Variants in TNNI3K observed in about 807,000 individuals in gnomAD.
TNNI3K encodes the protein serine/threonine-protein kinase TNNI3K.
TNNI3K carries 140 observed loss-of-function variants against 114.5 expected under a neutral mutation model. The ratio of observed to expected loss-of-function variants is 1.22; its 90% CI spans 1.07 to 1.41. The LOEUF is 1.41. Among genes scored for constraint, TNNI3K ranks in the 40% most tolerant of loss-of-function variants. The pLI, the probability that TNNI3K is intolerant of heterozygous loss-of-function variation, is 0.00. For missense variants in TNNI3K, 1,125 were observed against 1,007.6 expected (o/e 1.12, Z -1.58); for synonymous variants, 347 against 347.5 (o/e 1.00, Z 0.02).
chr1:74,331,543 G>T lies in TNNI3K; in HGVS notation c.538G>T (p.Glu180Ter), dbSNP rs746684996. The change falls in exon 6 of 25, where the codon GAA becomes TAA. Residue 180 changes from glutamate to a stop codon, truncating the protein, a stop_gained. Transcript: ENST00000326637. LOFTEE classifies it high-confidence loss of function. ...GCATATTGCAGCGTACTATGGACATGAACAGGTAAGTCTGACAGTAGGATT... is the reference window on the plus strand; with the variant it reads ...GCATATTGCAGCGTACTATGGACATTAACAGGTAAGTCTGACAGTAGGATT... ...PLHIAAYYGH[E>*]QVTRLLLKFG... 4.3e-6 allele frequency: 7 copies of T among 1,610,110 alleles called. No homozygotes were observed. The South Asian group carries it at 7.7e-5, about 18-fold the overall frequency.
At chr1:74,395,897 A>G (rs1664051293) in intron 17 of TNNI3K, among the ~76,000 whole-genome samples, 2 of 152,236 alleles carry the variant, frequency 1.3e-5, no homozygotes, top group Admixed American at 1.3e-4. Flanking sequence ...ATCTGGCCCA[A>G]AGAGCCCATT....
intron 20 of TNNI3K, among the ~76,000 whole-genome samples, chr1:74,448,309 A>G (rs1007530156): frequency 1.4e-5 from 2 of 143,728 alleles, no homozygotes; most frequent in Non-Finnish European, 3.0e-5. Flanking sequence ...TTGTACATTG[A>G]TTTTGTATCC....
intron 4 of TNNI3K, among the ~76,000 whole-genome samples, chr1:74,257,432 A>G (rs1381201223): frequency 2.6e-5 from 4 of 152,104 alleles, no homozygotes; most frequent in Non-Finnish European, 4.4e-5. Context: ...GTTTCTTCAT[A>G]TATCAATTAA....
At chr1:74,259,416 C>T (rs1047788900) in intron 4 of TNNI3K, among the ~76,000 whole-genome samples, 5 of 152,176 alleles carry the variant, frequency 3.3e-5, no homozygotes, top group Non-Finnish European at 7.3e-5. Flanking sequence ...CCTTTTAGTT[C>T]TATTCAGGCC....
chr1:74,529,974 C>G (rs1484838696), intron 23 of TNNI3K, among the ~76,000 whole-genome samples: 1 of 151,876 alleles, frequency 6.6e-6, no homozygotes, highest in South Asian at 2.1e-4. Context: ...GGGTTTTTTT[C>G]CTTGTTTTGA....
In TNNI3K at chr1:74,271,767, T is replaced by C. The variant is rs938294825; in HGVS notation, c.444+59T>C. 2.8e-6 allele frequency: 4 copies of C among 1,418,766 alleles called. No individual in the cohort carries two copies. The African/African-American group carries it at 5.7e-5, about 20-fold the overall frequency. The allele number at this position is 1,418,766 out of a possible 1,614,324, so 87.9% of individuals were successfully genotyped here. On this transcript the variant is annotated intron_variant, in intron 5 of 24. Transcript: ENST00000326637. ...GGTTATTTACCTTTTCGGTTGTTGTTCTTAACTGTTTTGAAATACTGTCTT... is the reference window on the plus strand; with the variant it reads ...GGTTATTTACCTTTTCGGTTGTTGTCCTTAACTGTTTTGAAATACTGTCTT...
At chr1:74,341,534 T>G (rs2100441036) in intron 7 of TNNI3K, 1 of 151,940 alleles carries the variant, frequency 6.6e-6, no homozygotes, top group African/African-American at 2.4e-5. Flanking sequence ...AGAGAGTGTA[T>G]CTGTCAAGTT....
At chr1:74,342,762 T>A (rs1660810220) in intron 7 of TNNI3K, 80 bp from the exon 8 acceptor site, 1 of 1,520,218 alleles carries the variant, frequency 6.6e-7, no homozygotes, top group African/African-American at 1.4e-5. Context: ...CACTTAGAAA[T>A]GTCCATGATA....
chr1:74,272,175 T>TA (rs1288417919), intron 5 of TNNI3K, among the ~76,000 whole-genome samples: 1 of 151,938 alleles, frequency 6.6e-6, no homozygotes, highest in East Asian at 1.9e-4. Flanking sequence ...GAATGAATAT[T>TA]TATTCATCAC....
chr1:74,466,261 TACCATCAAATA>T lies in TNNI3K; in HGVS notation c.2121+2714_2121+2724del, dbSNP rs939860100. 9.3e-4 allele frequency among the ~76,000 whole-genome samples: 141 copies of T among 152,304 alleles called. 1 individual carries two copies. Among genetic ancestry groups the T allele is most frequent in the African/African-American group, 3.2e-3 (135 of 41,568 alleles). Reference sequence around the variant, plus strand: ...ATTCTGGACACACTATGACAAAGTTTACCATCAAATAACAATCAAGGGAATCCCTTTTTCTT... The same window carrying T: ...ATTCTGGACACACTATGACAAAGTTTACAATCAAGGGAATCCCTTTTTCTT... On this transcript the variant is annotated intron_variant, in intron 21 of 24. Coordinates refer to ENST00000326637, the MANE Select transcript of TNNI3K (RefSeq NM_015978.3).
chr1:74,443,827 C>T (rs1666496552), intron 20 of TNNI3K, among the ~76,000 whole-genome samples: 1 of 152,218 alleles, frequency 6.6e-6, no homozygotes, highest in African/African-American at 2.4e-5. Flanking sequence ...AAGTGGGCTT[C>T]ATCCCCACGA....
At chr1:74,332,474 G>A (rs974307128) in intron 6 of TNNI3K, among the ~76,000 whole-genome samples, 2 of 151,800 alleles carry the variant, frequency 1.3e-5, no homozygotes, top group Non-Finnish European at 2.9e-5. Context: ...CTAATTTTTT[G>A]TATATTTAGT....
chr1:74,417,221 GA>G (rs2100625404), intron 17 of TNNI3K, among the ~76,000 whole-genome samples: 1 of 152,136 alleles, frequency 6.6e-6, no homozygotes, highest in South Asian at 2.1e-4. Flanking sequence ...TAGCAACTAT[GA>G]AAATGTACTG....
intron 5 of TNNI3K, among the ~76,000 whole-genome samples, chr1:74,308,106 T>C (rs1439316274): frequency 2.0e-5 from 3 of 151,938 alleles, no homozygotes; most frequent in African/African-American, 7.3e-5. Flanking sequence ...AGACAGCTCA[T>C]CAAGGCAGAA....
chr1:74,497,521 G>C (rs978428182), intron 23 of TNNI3K, among the ~76,000 whole-genome samples: 3 of 151,412 alleles, frequency 2.0e-5, no homozygotes, highest in Non-Finnish European at 4.4e-5. Context: ...GGGTCTTCTT[G>C]TTGTTTCTAC....
intron 21 of TNNI3K, among the ~76,000 whole-genome samples, chr1:74,487,964 G>T (rs945787519): frequency 6.6e-6 from 1 of 152,046 alleles, no homozygotes; most frequent in Non-Finnish European, 1.5e-5. Context: ...CAGGGTCTAG[G>T]GTATAACTAA....
At chr1:74,290,590 A>T (rs549942011) in intron 5 of TNNI3K, among the ~76,000 whole-genome samples, 2 of 151,848 alleles carry the variant, frequency 1.3e-5, no homozygotes, top group Non-Finnish European at 1.5e-5. Flanking sequence ...ACACTATGCT[A>T]TCATTAAACA....
rs1660561273 is a variant in TNNI3K, at chr1:74,337,980, T to C, written c.682+1831T>C. 2.0e-5 allele frequency among the ~76,000 whole-genome samples: 3 copies of C among 152,114 alleles called. No individual in the cohort carries two copies. In the South Asian group the frequency reaches 6.2e-4, roughly 31 times the overall value. Reference sequence around the variant, plus strand: ...TTTTAATATTTCTAGTGTTTTTCTATTATGAATACAATTGCCAGTAACATT... The same window carrying C: ...TTTTAATATTTCTAGTGTTTTTCTACTATGAATACAATTGCCAGTAACATT... On this transcript the variant is annotated intron_variant, in intron 7 of 24. Coordinates refer to ENST00000326637, the MANE Select transcript of TNNI3K (RefSeq NM_015978.3).
intron 4 of TNNI3K, among the ~76,000 whole-genome samples, chr1:74,257,663 C>CT (rs66853287): frequency 0.2 from 16,874 of 83,410 alleles, 2,652 homozygotes; most frequent in East Asian, 0.43. Flanking sequence ...TGGCTTACCT[C>CT]TTTTTTTTTT....
Sources: allele counts gnomAD v4.1 joint callset (sites outside exome capture counted in the v4.1 genomes callset), GRCh38; gene constraint gnomAD v4.1.1; transcripts MANE v1.5; gene names NCBI Gene and HGNC (gene_info 2026-07-23, HGNC 2026-07-21).